The following KLHDC4 variants were observed in gnomAD, a reference collection of about 807,000 sequenced individuals.
KLHDC4 encodes kelch domain containing 4.
KLHDC4 carries 90 observed loss-of-function variants against 62.4 expected under a neutral mutation model. The ratio of observed to expected loss-of-function variants is 1.44; its 90% CI spans 1.22 to 1.72. The LOEUF is 1.72. Among genes scored for constraint, KLHDC4 ranks in the 40% most tolerant of loss-of-function variants. The pLI, the probability that KLHDC4 is intolerant of heterozygous loss-of-function variation, is 0.00. For missense variants in KLHDC4, 1,025 were observed against 699.7 expected (o/e 1.47, Z -5.25); for synonymous variants, 386 against 284.4 (o/e 1.36, Z -3.59).
At chr16:87,714,402 CT>C in intron 8 of KLHDC4, 95 bp downstream of exon 8, 1 of 1,164,280 alleles carries the variant, frequency 8.6e-7, no homozygotes, top group Non-Finnish European at 1.1e-6. Flanking sequence ...GGTGCAGGGG[CT>C]CACCGCCAGC....
In KLHDC4 at chr16:87,731,533, T is replaced by C. The variant is rs747914545; in HGVS notation, c.507-889A>G. Reference sequence around the variant, plus strand: ...CATCACGAGCGGTCAGGGAAACATATGCCAAGTCCACAGTGACTTCCTACC... The same window carrying C: ...CATCACGAGCGGTCAGGGAAACATACGCCAAGTCCACAGTGACTTCCTACC... On this transcript the variant is annotated intron_variant, in intron 5 of 11. Transcript: ENST00000270583. 3.3e-5 allele frequency among the ~76,000 whole-genome samples: 5 copies of C among 151,804 alleles called. No individual in the cohort carries two copies. The East Asian group carries it at 5.8e-4, about 18-fold the overall frequency.
At chr16:87,761,018 G>C (rs998706145) in intron 2 of KLHDC4, among the ~76,000 whole-genome samples, 2 of 152,082 alleles carry the variant, frequency 1.3e-5, no homozygotes, top group Non-Finnish European at 2.9e-5. Context: ...GGATGACAGA[G>C]TGAGACTCCA....
chr16:87,747,537 A>T (rs995328380), intron 5 of KLHDC4: 1 of 152,224 alleles, frequency 6.6e-6, no homozygotes, highest in Admixed American at 6.5e-5. Context: ...AAGGGACGGA[A>T]AAGCCTGGGA....
intron 6 of KLHDC4, among the ~76,000 whole-genome samples, chr16:87,728,772 A>G (rs2039825039): frequency 6.6e-6 from 1 of 151,994 alleles, no homozygotes; most frequent in African/African-American, 2.4e-5. Context: ...TGAGGTCAGG[A>G]GTTCGAGACC....
intron 4 of KLHDC4, 121 bp from the exon 5 acceptor site, chr16:87,748,930 C>G (rs1177474850): frequency 5.5e-6 from 6 of 1,092,622 alleles, no homozygotes; most frequent in Non-Finnish European, 2.5e-6. Flanking sequence ...ATGACCAGCC[C>G]CACACTCAGC....
At chr16:87,761,202 G>A (rs187609482) in intron 2 of KLHDC4, among the ~76,000 whole-genome samples, 2 of 152,206 alleles carry the variant, frequency 1.3e-5, no homozygotes, top group Admixed American at 6.5e-5. Context: ...CTGCTCAGGG[G>A]CTGATCACCG....
intron 6 of KLHDC4, among the ~76,000 whole-genome samples, chr16:87,729,755 T>C (rs1316508021): frequency 2.0e-4 from 31 of 151,756 alleles, no homozygotes; most frequent in Non-Finnish European, 1.5e-5. Flanking sequence ...CGGACAGGAG[T>C]GTTTTGAAGT....
At chr16:87,763,065 A>G (rs764809971) in intron 1 of KLHDC4, among the ~76,000 whole-genome samples, 1 of 152,190 alleles carries the variant, frequency 6.6e-6, no homozygotes, top group Non-Finnish European at 1.5e-5. Flanking sequence ...AGCAGGGTAC[A>G]CTGCTTAGTA....
At chr16:87,759,641 G>T (rs2045561622) in intron 2 of KLHDC4, among the ~76,000 whole-genome samples, 1 of 151,520 alleles carries the variant, frequency 6.6e-6, no homozygotes, top group Admixed American at 6.6e-5. Context: ...AGCTACTCCG[G>T]AGGCTGAGGC....
At chr16:87,700,013 A>T (rs1057223386) in exon 1 of KLHDC4, 2 of 152,232 alleles carry the variant, frequency 1.3e-5, no homozygotes, top group African/African-American at 4.8e-5. Flanking sequence ...CGACAGCTGG[A>T]CCCGTCGGAC....
chr16:87,703,813 G>A (rs1036676645), downstream of KLHDC4, among the ~76,000 whole-genome samples: 3 of 152,168 alleles, frequency 2.0e-5, no homozygotes, highest in African/African-American at 7.2e-5. Flanking sequence ...TGTGTGCCTC[G>A]GGACACCAGT....
chr16:87,722,494 C>A (rs1216900500), intron 7 of KLHDC4, among the ~76,000 whole-genome samples: 2 of 152,250 alleles, frequency 1.3e-5, no homozygotes, highest in Admixed American at 6.5e-5. Flanking sequence ...CCTTGCCATG[C>A]AGAACCACGG....
Position 87,708,356 on chromosome 16 carries a change from C to T in KLHDC4, c.1558G>A (p.Asp520Asn). Residue 520 changes from aspartate to asparagine, a missense_variant, in exon 11 of 12, where the codon GAC becomes AAC. Transcript: ENST00000270583. ...CCAGCCCGAGCCCGCTCACCTCAGT[C>T]CTCCGCACCGCTCTCCTCTCCGCTG... ...EDSGEESGAE[D>N] 6.2e-7 allele frequency: 1 copy of T among 1,603,070 alleles called. No homozygotes were observed.
At chr16:87,712,944 G>A (rs572955276) in intron 8 of KLHDC4, among the ~76,000 whole-genome samples, 1 of 152,322 alleles carries the variant, frequency 6.6e-6, no homozygotes, top group Admixed American at 6.5e-5. Flanking sequence ...CACTGGGGAC[G>A]CTAAACTCCA....
intron 7 of KLHDC4, among the ~76,000 whole-genome samples, chr16:87,716,701 G>C (rs1261029886): frequency 6.6e-6 from 1 of 152,110 alleles, no homozygotes; most frequent in South Asian, 2.1e-4. Context: ...GAGGCCGAGG[G>C]GGGTAGACCA....
At chr16:87,765,372 T>A (rs2046493480) in intron 1 of KLHDC4, 1 of 465,016 alleles carries the variant, frequency 2.2e-6, no homozygotes, top group Admixed American at 2.3e-5. Context: ...TCAGAAAAGT[T>A]AAGAGTCTTA....
chr16:87,734,672 G>A (rs1194030523), intron 5 of KLHDC4, among the ~76,000 whole-genome samples: 2 of 152,216 alleles, frequency 1.3e-5, no homozygotes, highest in Non-Finnish European at 2.9e-5. Context: ...AATCCAACCC[G>A]GAGTTGGCAT....
intron 7 of KLHDC4, among the ~76,000 whole-genome samples, chr16:87,718,633 T>C (rs1235817722): frequency 5.9e-5 from 9 of 151,864 alleles, no homozygotes; most frequent in African/African-American, 1.7e-4. Context: ...TTGCAGCCTC[T>C]GCCCGGCCGC....
chr16:87,764,646 C>CCAA (rs2046347584), intron 1 of KLHDC4, among the ~76,000 whole-genome samples: 2 of 33,818 alleles, frequency 5.9e-5, no homozygotes, highest in Non-Finnish European at 1.1e-4. Context: ...GAAACTCCTT[C>CCAA]AAAAAAAAAA....
Sources: allele counts gnomAD v4.1 joint callset (sites outside exome capture counted in the v4.1 genomes callset), GRCh38; gene constraint gnomAD v4.1.1; transcripts MANE v1.5; gene names NCBI Gene and HGNC (gene_info 2026-07-23, HGNC 2026-07-21).